TMEM106A: variants seen among roughly 807,000 people sequenced by gnomAD.
TMEM106A encodes the protein transmembrane protein 106A.
Under a neutral mutation model 25.1 loss-of-function variants are expected in TMEM106A, and 22 were observed. The ratio of observed to expected loss-of-function variants is 0.88; its 90% confidence interval spans 0.63 to 1.25. The LOEUF (loss-of-function observed/expected upper bound fraction) is 1.25, where lower values mean the gene tolerates loss of function less well. Among genes scored for constraint, TMEM106A ranks in the 50% most tolerant of loss-of-function variants. The probability of loss-of-function intolerance (pLI) is 0.00; values close to 1 mark genes in which losing one functional copy is unlikely to be tolerated. For missense variants in TMEM106A, 275 were observed against 318.1 expected (o/e 0.86, Z 1.03); for synonymous variants, 104 against 129.9 (o/e 0.80, Z 1.35).
At position 43,215,952 on chromosome 17, in the gene TMEM106A, G is replaced by T; in HGVS notation, c.429+11G>T. On this transcript the variant is annotated intron_variant, in intron 5 of 8. Coordinates refer to ENST00000612339, the MANE Select transcript of TMEM106A (RefSeq NM_145041.4). ...TACCTCAACATAACGGTGGGTGGGT[G>T]CCCTTGGCTCCAAACCCCCCTTCCT... 6.2e-7 allele frequency: 1 copy of T among 1,613,800 alleles called. No homozygotes were observed. Among genetic ancestry groups the T allele is most frequent in the Non-Finnish European group, 8.5e-7 (1 of 1,179,826 alleles).
At position 43,218,062 on chromosome 17, in the gene TMEM106A, T is replaced by C. The variant is rs994653656; in HGVS notation, c.*261T>C. The C allele has an allele frequency of 2.3e-6, 1 of 440,854 alleles. No homozygotes were observed. The highest frequency in any genetic ancestry group is 2.0e-5 in the African/African-American group (1 of 49,546). 27.3% of individuals were successfully genotyped at this position (440,854 alleles called of 1,614,324 possible). On this transcript the variant is annotated 3_prime_UTR_variant, in exon 9 of 9. Transcript: ENST00000612339. ...CCCTTGGTTAGTTTTTTGTTTTTTT[T>C]TTGGTAGAGACAGAGTCTCACTGTT... is the stretch of plus-strand genomic sequence containing the variant.
In TMEM106A at chr17:43,213,861, A is replaced by G. The variant is rs2057459411; in HGVS notation, c.245A>G (p.Tyr82Cys). The G allele has an allele frequency of 6.2e-7, 1 of 1,614,058 alleles. No homozygotes were observed. Among genetic ancestry groups the G allele is most frequent in the East Asian group, 2.2e-5 (1 of 44,878 alleles). ...LEKQLVALIP[Y>C]GDQRLKPKHT... ...AAGCAGTTGGTGGCTCTCATTCCCTATGGGGACCAGAGGCTGAAGCCCAAG... is the reference window on the plus strand; with the variant it reads ...AAGCAGTTGGTGGCTCTCATTCCCTGTGGGGACCAGAGGCTGAAGCCCAAG... Residue 82 changes from tyrosine to cysteine, a missense_variant, in exon 4 of 9, where the codon TAT becomes TGT. By Grantham distance (194) the Tyr-to-Cys change is radical. Coordinates refer to ENST00000612339, the MANE Select transcript of TMEM106A (RefSeq NM_145041.4).
rs2057492663 is a variant in TMEM106A at position 43,216,975 on chromosome 17, G to T, written c.614+235G>T. 6.3e-6 allele frequency: 4 copies of T among 630,620 alleles called. No homozygotes were observed. The South Asian group carries it at 7.6e-5, about 12-fold the overall frequency. The allele number at this position is 630,620 out of a possible 1,614,324, so 39.1% of individuals were successfully genotyped here. ...GTTAATCTTTACAATATGTGACCTTGGGCTCTTCAGCCTGCATTGCTGAGG... is the reference window on the plus strand; with the variant it reads ...GTTAATCTTTACAATATGTGACCTTTGGCTCTTCAGCCTGCATTGCTGAGG... On this transcript the variant is annotated intron_variant, in intron 7 of 8. Transcript: ENST00000612339.
chr17:43,215,784 A>G lies in TMEM106A; in HGVS notation c.276-4A>G, dbSNP rs772212964. 8 of 1,613,296 alleles carry G rather than the reference A, an allele frequency of 5.0e-6. No individual in the cohort carries two copies. The South Asian group carries it at 7.7e-5, about 16-fold the overall frequency. ...CCTCCATCCTGGGTCCTGCTTTCCCACAGGAAGCTCTTTGTGTTCCTGGCC... is the reference window on the plus strand; with the variant it reads ...CCTCCATCCTGGGTCCTGCTTTCCCGCAGGAAGCTCTTTGTGTTCCTGGCC... On this transcript the variant is annotated splice_polypyrimidine_tract_variant and splice_region_variant and intron_variant, in intron 4 of 8. Coordinates refer to ENST00000612339, the MANE Select transcript of TMEM106A (RefSeq NM_145041.4).
chr17:43,213,072 T>C lies in TMEM106A; in HGVS notation c.31T>C (p.Trp11Arg). 1 of 1,614,222 alleles carries C rather than the reference T, an allele frequency of 6.2e-7. No homozygotes were observed. The highest frequency in any genetic ancestry group is 8.5e-7 in the Non-Finnish European group (1 of 1,180,040). Residue 11 changes from tryptophan to arginine, a missense_variant, in exon 3 of 9, where the codon TGG becomes CGG. Transcript: ENST00000612339. ...TAAGACGTTTTCCCAGCTGGGCTCT[T>C]GGCGGGAGGATGAGAACAAGTCAAT... MGKTFSQLGS[W>R]REDENKSILS...
rs1326785324 is a variant in TMEM106A at position 43,216,509 on chromosome 17, G to A, written c.490G>A (p.Glu164Lys). ...CATTATGGTGACACAGCTGACCCTC[G>A]AGGTTCTGCACCTGTCCCTCGTGGT... Reference protein sequence around the residue: ...YPIMVTQLTLEVLHLSLVVGQ... With the variant: ...YPIMVTQLTLKVLHLSLVVGQ... The change falls in exon 6 of 9, where the codon GAG becomes AAG. Residue 164 changes from glutamate to lysine, a missense_variant. Physicochemically the swap from Glu to Lys is moderately conservative, Grantham distance 56. Coordinates refer to ENST00000612339, the MANE Select transcript of TMEM106A (RefSeq NM_145041.4). 3.7e-6 allele frequency: 6 copies of A among 1,614,138 alleles called. No individual in the cohort carries two copies. Among genetic ancestry groups the A allele is most frequent in the Non-Finnish European group, 5.1e-6 (6 of 1,180,022 alleles).
At chr17:43,217,562 G>C in intron 8 of TMEM106A, 119 bp from the exon 9 acceptor site, 1 of 1,520,888 alleles carries the variant, frequency 6.6e-7, no homozygotes, top group Non-Finnish European at 8.8e-7. Flanking sequence ...TGGCAGAGTG[G>C]GGAGCCAGAG....
At chr17:43,216,642 A>T (rs779681994) in intron 6 of TMEM106A, 53 bp downstream of exon 6, 8 of 1,614,126 alleles carry the variant, frequency 5.0e-6, no homozygotes, top group Non-Finnish European at 4.2e-6. Context: ...GATGTGTGGT[A>T]GTGGGAAAGG....
chr17:43,217,372 G>T, intron 8 of TMEM106A, 60 bp downstream of exon 8: 3 of 1,580,690 alleles, frequency 1.9e-6, no homozygotes, highest in Non-Finnish European at 2.6e-6. Context: ...TTCTCACTCA[G>T]CTACACCTCA....
In TMEM106A at chr17:43,216,701, T is replaced by C; in HGVS notation, c.575T>C (p.Phe192Ser). ...HIGPLASEQM[F>S]YAVATKIRDE... ...CTGTGCCCATTTGGTTGACAGATGT[T>C]TTACGCAGTAGCTACCAAGATACGG... is the stretch of plus-strand genomic sequence containing the variant. The change falls in exon 7 of 9, where the codon TTT becomes TCT. Residue 192 changes from phenylalanine to serine, a missense_variant. Phe to Ser is a radical substitution (Grantham distance 155, BLOSUM62 -2). Transcript: ENST00000612339. The C allele has an allele frequency of 6.2e-7, 1 of 1,614,198 alleles. No homozygotes were observed. The highest frequency in any genetic ancestry group is 8.5e-7 in the Non-Finnish European group (1 of 1,180,046).
At chr17:43,217,073 T>A (rs948450849) in intron 7 of TMEM106A, 186 bp from the exon 8 acceptor site, 6 of 673,774 alleles carry the variant, frequency 8.9e-6, no homozygotes, top group Admixed American at 7.3e-5. Flanking sequence ...GAGGTCAGAG[T>A]GATAGTGCAG....
Position 43,215,810 on chromosome 17 carries a change from G to T in TMEM106A, c.298G>T (p.Val100Leu), listed in dbSNP as rs148483239. The change falls in exon 5 of 9, where the codon GTG (valine) becomes TTG (leucine). Residue 100 changes from valine to leucine, a missense_variant. Transcript: ENST00000612339. ...CAGGAAGCTCTTTGTGTTCCTGGCC[G>T]TGCTCATCTGCCTGGTGACCTCCTC... ...KHTKLFVFLAVLICLVTSSFI... is the reference protein window; with the variant it reads ...KHTKLFVFLALLICLVTSSFI... 6.2e-7 allele frequency: 1 copy of T among 1,613,874 alleles called. No individual in the cohort carries two copies. Among genetic ancestry groups the T allele is most frequent in the East Asian group, 2.2e-5 (1 of 44,878 alleles).
At chr17:43,217,165 T>A in intron 7 of TMEM106A, 94 bp from the exon 8 acceptor site, 1 of 1,289,388 alleles carries the variant, frequency 7.8e-7, no homozygotes, top group Admixed American at 1.7e-5. Flanking sequence ...AAGAGTTCTG[T>A]GGGGTAAGGA....
chr17:43,214,029 C>A, intron 4 of TMEM106A, 138 bp downstream of exon 4: 2 of 846,502 alleles, frequency 2.4e-6, no homozygotes, highest in Non-Finnish European at 3.6e-6. Flanking sequence ...GGTACCAGCT[C>A]CTTACGTCCA....
intron 4 of TMEM106A, among the ~76,000 whole-genome samples, chr17:43,215,242 C>CA (rs372419041): frequency 1.0e-4 from 15 of 146,550 alleles, no homozygotes; most frequent in South Asian, 2.1e-4. Flanking sequence ...GACTCCATCT[C>CA]AAAAAAAAGA....
In TMEM106A at chr17:43,213,089, C is replaced by A; in HGVS notation, c.48C>A (p.Asn16Lys). ...TGGGCTCTTGGCGGGAGGATGAGAA[C>A]AAGTCAATCCTGTCCTCCAAACCAG... ...SQLGSWREDE[N>K]KSILSSKPAI... is the part of the protein sequence containing the mutation. Residue 16 changes from asparagine (N) to lysine (K), a missense_variant, in exon 3 of 9, where the codon AAC (asparagine) becomes AAA (lysine). By Grantham distance (94) the Asn-to-Lys change is moderately conservative (BLOSUM62 0). Transcript: ENST00000612339. 1 of 1,614,190 alleles carries A rather than the reference C, an allele frequency of 6.2e-7. No homozygotes were observed. The highest frequency in any genetic ancestry group is 1.1e-5 in the South Asian group (1 of 91,086).
intron 3 of TMEM106A, 97 bp from the exon 4 acceptor site, chr17:43,213,731 C>T (rs900734342): frequency 2.5e-6 from 3 of 1,203,882 alleles, no homozygotes; most frequent in African/African-American, 1.5e-5. Flanking sequence ...TAACATTGCT[C>T]TATGGTGTGG....
At chr17:43,212,972 G>A (rs1424122767) in intron 2 of TMEM106A, 49 bp from the exon 3 acceptor site, 9 of 1,471,146 alleles carry the variant, frequency 6.1e-6, no homozygotes, top group Non-Finnish European at 6.6e-6. Context: ...ATTACATCTG[G>A]CGTCAGTGCT....
intron 3 of TMEM106A, among the ~76,000 whole-genome samples, chr17:43,213,559 A>G (rs2057456871): frequency 6.6e-6 from 1 of 152,212 alleles, no homozygotes; most frequent in Admixed American, 6.5e-5. Context: ...GAACTTTCCA[A>G]AGATGCTGGG....
Sources: gnomAD v4.1 joint callset for allele counts (sites outside exome capture counted in the v4.1 genomes callset) on GRCh38, gnomAD v4.1.1 for gene constraint, MANE v1.5 for transcripts, NCBI Gene and HGNC (gene_info 2026-07-23, HGNC 2026-07-21) for gene names.